Variants in TSPEAR observed in about 807,000 individuals in gnomAD.
TSPEAR encodes the protein thrombospondin type laminin G domain and EAR repeats, also known as thrombospondin-type laminin G domain and EAR repeat-containing protein.
A neutral mutation model predicts 71.6 loss-of-function variants in TSPEAR; 69 were observed. That is an observed-to-expected ratio of 0.96 (90% CI 0.79 to 1.18). The LOEUF (loss-of-function observed/expected upper bound fraction) is 1.18, where lower values mean the gene tolerates loss of function less well. Ranked by LOEUF, TSPEAR falls within the 50% of genes most tolerant of loss-of-function variation. TSPEAR has a pLI of 0.00. For missense variants in TSPEAR, 971 were observed against 894.9 expected, an observed-to-expected ratio of 1.09 and a Z score of -1.09; for synonymous variants, 402 against 387.2, an observed-to-expected ratio of 1.04 and a Z score of -0.45.
At chr21:44,579,473 T>G in intron 1 of TSPEAR, 21 of 509,584 alleles carry the variant, frequency 4.1e-5, no homozygotes, top group East Asian at 1.3e-4. Context: ...CCAAGGGGAG[T>G]TTATTGGGGA....
chr21:44,577,217 A>T (rs1475094803), intron 1 of TSPEAR, among the ~76,000 whole-genome samples: 1 of 152,232 alleles, frequency 6.6e-6, no homozygotes, highest in Non-Finnish European at 1.5e-5. Context: ...CTTCCAGCTT[A>T]AGAAGCTAAA....
chr21:44,671,075 C>T (rs1376636588), intron 1 of TSPEAR, among the ~76,000 whole-genome samples: 2 of 152,112 alleles, frequency 1.3e-5, no homozygotes, highest in Non-Finnish European at 2.9e-5. Flanking sequence ...GCCTGGTGGT[C>T]CCCCCCAACC....
intron 11 of TSPEAR, among the ~76,000 whole-genome samples, chr21:44,501,009 T>C (rs1357132173): frequency 6.6e-6 from 1 of 152,238 alleles, no homozygotes; most frequent in Non-Finnish European, 1.5e-5. Flanking sequence ...CTTTTTCACA[T>C]TTGGACTTTT....
At chr21:44,574,438 C>T (rs202031709) in intron 1 of TSPEAR, 5 of 1,600,204 alleles carry the variant, frequency 3.1e-6, no homozygotes, top group East Asian at 2.3e-5. Context: ...TGCCAGCAGG[C>T]CTGCTGCGTG....
intron 2 of TSPEAR, among the ~76,000 whole-genome samples, chr21:44,543,018 A>C (rs2146011999): frequency 6.6e-6 from 1 of 152,324 alleles, no homozygotes; most frequent in East Asian, 1.9e-4. Flanking sequence ...GAAAAGAAGC[A>C]CAAAGCTAGA....
At chr21:44,568,096 C>T in intron 1 of TSPEAR, 91 bp from the exon 2 acceptor site, 1 of 997,136 alleles carries the variant, frequency 1.0e-6, no homozygotes, top group Non-Finnish European at 1.4e-6. Context: ...ATCAGCGTGG[C>T]AGGCACTTTA....
Position 44,573,951 on chromosome 21 carries a change from A to G in TSPEAR, c.83-5946T>C, listed in dbSNP as rs377135509. 8 of 1,611,918 alleles carry G rather than the reference A, an allele frequency of 5.0e-6. No individual in the cohort carries two copies. In the East Asian group the frequency reaches 1.8e-4, roughly 36 times the overall value. On this transcript the variant is annotated intron_variant, in intron 1 of 11. Coordinates refer to ENST00000323084, the MANE Select transcript of TSPEAR (RefSeq NM_144991.3). ...CTGCACCCCAGTGAGCCGTGTGTCC[A>G]GCCCCTGCTGCCCAGTGACCTGTGA...
At chr21:44,562,229 C>A (rs1371599879) in intron 2 of TSPEAR, among the ~76,000 whole-genome samples, 1 of 152,080 alleles carries the variant, frequency 6.6e-6, no homozygotes, top group Non-Finnish European at 1.5e-5. Context: ...CTCCCATTCA[C>A]AATTGCTACA....
intron 1 of TSPEAR, among the ~76,000 whole-genome samples, chr21:44,635,513 A>G (rs1199529807): frequency 5.9e-5 from 9 of 152,188 alleles, no homozygotes; most frequent in African/African-American, 2.2e-4. Context: ...TCTGAAACAT[A>G]CCCAAACACA....
In TSPEAR at chr21:44,546,705, C is replaced by G. The variant is rs28784094; in HGVS notation, c.304-12782G>C. Among the ~76,000 whole-genome samples, 9 of 152,156 alleles carry G rather than the reference C, an allele frequency of 5.9e-5. No individual in the cohort carries two copies. The highest frequency in any genetic ancestry group is 1.7e-4 in the African/African-American group (7 of 41,406). The stretch of plus-strand genomic sequence containing the variant: ...GTTGGTTTCCCCTGCCGCTGTACCC[C>G]AAGCCAGCATGTGAAATATGTCATC... On this transcript the variant is annotated intron_variant, in intron 2 of 11. Coordinates refer to ENST00000323084, the MANE Select transcript of TSPEAR (RefSeq NM_144991.3). This position sits in a 1 kb window ranked among gnomAD's most constrained non-coding sequence, Gnocchi z 4.4.
chr21:44,557,169 C>T (rs1266576600), intron 2 of TSPEAR, among the ~76,000 whole-genome samples: 2 of 152,152 alleles, frequency 1.3e-5, no homozygotes, highest in Admixed American at 1.3e-4. Context: ...GCAGGTGCTG[C>T]CATAGGTTTT....
rs73907042 is a variant in TSPEAR at position 44,595,310 on chromosome 21, A to G, written c.83-27305T>C. On this transcript the variant is annotated intron_variant, in intron 1 of 11. Coordinates refer to ENST00000323084, the MANE Select transcript of TSPEAR (RefSeq NM_144991.3). The stretch of plus-strand genomic sequence containing the variant: ...TATTCCCAGAGGCTCTGTTCTATAC[A>G]GTCTCCACCAGCACCGAATAACCAA... 6.9e-3 allele frequency among the ~76,000 whole-genome samples: 1,056 copies of G among 152,288 alleles called. 8 individuals carry two copies. Among genetic ancestry groups the G allele is most frequent in the African/African-American group, 0.024 (1,006 of 41,540 alleles).
chr21:44,638,184 T>A (rs1350760381), intron 1 of TSPEAR: 1 of 1,598,504 alleles, frequency 6.3e-7, no homozygotes, highest in Non-Finnish European at 8.5e-7. Context: ...CAGCCCTGGA[T>A]GTGATCCGGA....
intron 10 of TSPEAR, chr21:44,508,794 T>G (rs2052269614): frequency 1.5e-6 from 2 of 1,320,786 alleles, no homozygotes; most frequent in Admixed American, 4.4e-5. Flanking sequence ...AGTAATCATG[T>G]CTGGTGGCAG....
At chr21:44,708,758 T>A (rs1988066870) in intron 1 of TSPEAR, among the ~76,000 whole-genome samples, 1 of 152,160 alleles carries the variant, frequency 6.6e-6, no homozygotes, top group Admixed American at 6.5e-5. Context: ...CCTGGACACC[T>A]GCAGGGCAGG....
At chr21:44,666,668 A>G (rs1410524760) in intron 1 of TSPEAR, 1 of 1,612,182 alleles carries the variant, frequency 6.2e-7, no homozygotes, top group African/African-American at 1.3e-5. Context: ...GCACGCACAC[A>G]GCTGACTTGA....
intron 1 of TSPEAR, among the ~76,000 whole-genome samples, chr21:44,703,569 C>CCTCCCTCT (rs1555951843): frequency 6.6e-6 from 1 of 152,194 alleles, no homozygotes; most frequent in African/African-American, 2.4e-5. Flanking sequence ...TGGGGTGGGG[C>CCTCCCTCT]CTCCCTCTCC....
At chr21:44,705,879 C>T (rs1987887201) in intron 1 of TSPEAR, among the ~76,000 whole-genome samples, 1 of 152,208 alleles carries the variant, frequency 6.6e-6, no homozygotes, top group Non-Finnish European at 1.5e-5. Context: ...CCTATTCGCA[C>T]ACTCCTTCCC....
chr21:44,555,252 T>C (rs1486610314), intron 2 of TSPEAR, among the ~76,000 whole-genome samples: 1 of 152,174 alleles, frequency 6.6e-6, no homozygotes, highest in African/African-American at 2.4e-5. Context: ...TCAAAACGGT[T>C]TATAAAATAA....
Sources: allele counts gnomAD v4.1 joint callset (sites outside exome capture counted in the v4.1 genomes callset), GRCh38; gene constraint gnomAD v4.1.1; non-coding constraint Gnocchi (gnomAD v3.1); transcripts MANE v1.5; gene names NCBI Gene and HGNC (gene_info 2026-07-23, HGNC 2026-07-21).